The following CTDP1 variants were observed in gnomAD, a reference collection of about 807,000 sequenced individuals.
CTDP1 encodes CTD phosphatase 1.
CTDP1 carries 47 observed loss-of-function variants against 91.8 expected under a neutral mutation model. The observed-to-expected ratio is 0.51, with a 90% CI of 0.41 to 0.65. The LOEUF is 0.65. CTDP1 is among the 30% of genes least tolerant of loss of function. The pLI is 0.00. For missense variants in CTDP1, 1,272 were observed against 1,373.7 expected (o/e 0.93, Z 1.17); for synonymous variants, 656 against 598.5 (o/e 1.10, Z -1.40).
chr18:79,679,397 G>C (rs1568165078), upstream of CTDP1: 4 of 455,974 alleles, frequency 8.8e-6, no homozygotes, highest in Non-Finnish European at 1.8e-5. Flanking sequence ...GACTCACAGT[G>C]CGCGATGGGA....
At chr18:79,692,739 C>T (rs1219042393) in intron 1 of CTDP1, among the ~76,000 whole-genome samples, 6 of 151,886 alleles carry the variant, frequency 4.0e-5, no homozygotes, top group African/African-American at 7.3e-5. Flanking sequence ...GCAAGGAACC[C>T]GCCGTGAGCT....
intron 12 of CTDP1, among the ~76,000 whole-genome samples, chr18:79,745,427 C>G (rs368458752): frequency 2.6e-3 from 9 of 3,522 alleles, no homozygotes; most frequent in Admixed American, 0.013. Flanking sequence ...CGCGTTCTGT[C>G]CCCGCGTCCC....
rs1017401051 is a variant in CTDP1, at chr18:79,708,732, C to T, written c.773-1614C>T. On this transcript the variant is annotated intron_variant, in intron 5 of 12. Transcript: ENST00000613122. ...ATGACAAGACCACAGTCCCAGCTCCCGACTCTGGACCGGCTCACTCTTGTG... is the reference window on the plus strand; with the variant it reads ...ATGACAAGACCACAGTCCCAGCTCCTGACTCTGGACCGGCTCACTCTTGTG... Among the ~76,000 whole-genome samples, 6 of 152,268 alleles carry T rather than the reference C, an allele frequency of 3.9e-5. No individual in the cohort carries two copies. In the East Asian group the frequency reaches 5.8e-4, roughly 15 times the overall value.
At chr18:79,692,109 GA>G (rs1355772129) in intron 1 of CTDP1, among the ~76,000 whole-genome samples, 1 of 106,538 alleles carries the variant, frequency 9.4e-6, no homozygotes, top group African/African-American at 4.0e-5. Flanking sequence ...CTCGGGGTGG[GA>G]GAAGAGTGGA....
intron 1 of CTDP1, among the ~76,000 whole-genome samples, chr18:79,681,749 G>T (rs778840716): frequency 3.9e-5 from 6 of 152,156 alleles, no homozygotes; most frequent in Non-Finnish European, 7.3e-5. Context: ...TGGAGCGTCT[G>T]TGTGGCACCA....
At chr18:79,720,847 C>T (rs1718155085) in intron 10 of CTDP1, among the ~76,000 whole-genome samples, 1 of 152,196 alleles carries the variant, frequency 6.6e-6, no homozygotes, top group South Asian at 2.1e-4. Flanking sequence ...TCTCGGACCC[C>T]CAGGCCACCT....
chr18:79,705,432 G>T (rs1053101645), intron 5 of CTDP1, among the ~76,000 whole-genome samples: 1 of 152,178 alleles, frequency 6.6e-6, no homozygotes, highest in African/African-American at 2.4e-5. Context: ...CCACGGGACG[G>T]TGACTGTCCC....
chr18:79,699,202 C>T (rs938327479), intron 4 of CTDP1, among the ~76,000 whole-genome samples: 1 of 152,166 alleles, frequency 6.6e-6, no homozygotes, highest in African/African-American at 2.4e-5. Context: ...GCAGTATAAA[C>T]TGTGACTAGA....
intron 12 of CTDP1, among the ~76,000 whole-genome samples, chr18:79,744,663 G>A (rs1167746880): frequency 6.6e-6 from 1 of 152,252 alleles, no homozygotes; most frequent in African/African-American, 2.4e-5. Flanking sequence ...GCTAAGAGCT[G>A]GATCCATCGG....
chr18:79,698,005 T>G lies in CTDP1; in HGVS notation c.621+17T>G. 6.2e-7 allele frequency: 1 copy of G among 1,614,134 alleles called. No homozygotes were observed. Among genetic ancestry groups the G allele is most frequent in the Non-Finnish European group, 8.5e-7 (1 of 1,180,002 alleles). On this transcript the variant is annotated intron_variant, in intron 4 of 12. Coordinates refer to ENST00000613122, the MANE Select transcript of CTDP1 (RefSeq NM_004715.5). ...TCGAATAAAGTGAGTGCAGTCAGCA[T>G]CTACGGACAGTTTCCCAGGAACCGC...
At chr18:79,700,585 G>A (rs1005688455) in intron 4 of CTDP1, among the ~76,000 whole-genome samples, 4 of 152,240 alleles carry the variant, frequency 2.6e-5, no homozygotes, top group African/African-American at 7.2e-5. Context: ...GCACAGGTTG[G>A]TTCATGAGGG....
chr18:79,683,720 C>T (rs1233322976), intron 1 of CTDP1, among the ~76,000 whole-genome samples: 2 of 152,254 alleles, frequency 1.3e-5, no homozygotes, highest in East Asian at 3.8e-4. Flanking sequence ...TACTGGTTGC[C>T]TGCGTGCCCT....
chr18:79,709,151 A>G (rs2086028950), intron 5 of CTDP1, among the ~76,000 whole-genome samples: 1 of 152,188 alleles, frequency 6.6e-6, no homozygotes, highest in South Asian at 2.1e-4. Context: ...CCTCCAACAT[A>G]TTTTACCAAT....
At chr18:79,677,172 C>T (rs1358118223), upstream of CTDP1, 2 of 152,282 alleles carry the variant, frequency 1.3e-5, no homozygotes, top group Non-Finnish European at 2.9e-5. Context: ...TGAGACAAAC[C>T]TGTTCACACA....
At chr18:79,739,880 T>TCGGCGCTTGCTCCCTGC (rs1250877099) in intron 12 of CTDP1, among the ~76,000 whole-genome samples, 43 of 3,596 alleles carry the variant, frequency 0.012, no homozygotes, top group East Asian at 0.053. Context: ...CGGGTGGGAC[T>TCGGCGCTTGCTCCCTGC]CTCATACCCA....
At chr18:79,708,609 T>A (rs1387577043) in intron 5 of CTDP1, among the ~76,000 whole-genome samples, 1 of 152,256 alleles carries the variant, frequency 6.6e-6, no homozygotes, top group Non-Finnish European at 1.5e-5. Flanking sequence ...GAATGTGGGC[T>A]GCGTGGTTGG....
intron 1 of CTDP1, among the ~76,000 whole-genome samples, chr18:79,691,241 A>G (rs1231352797): frequency 1.3e-5 from 2 of 152,200 alleles, no homozygotes; most frequent in Non-Finnish European, 2.9e-5. Context: ...CACCCGACTC[A>G]GCTTATAGTC....
intron 4 of CTDP1, chr18:79,703,130 T>C (rs886133866): frequency 8.5e-5 from 13 of 152,236 alleles, no homozygotes; most frequent in African/African-American, 3.1e-4. Flanking sequence ...GGGAAAGTTG[T>C]TACTAGAACT....
At chr18:79,700,195 A>T (rs1379900633) in intron 4 of CTDP1, among the ~76,000 whole-genome samples, 1 of 152,164 alleles carries the variant, frequency 6.6e-6, no homozygotes, top group Non-Finnish European at 1.5e-5. Context: ...GTGACCTCTG[A>T]GTGTTCAAGT....
Sources: gnomAD v4.1 joint callset for allele counts (sites outside exome capture counted in the v4.1 genomes callset) on GRCh38, gnomAD v4.1.1 for gene constraint, MANE v1.5 for transcripts, NCBI Gene and HGNC (gene_info 2026-07-23, HGNC 2026-07-21) for gene names.